AGAP1: variants seen among roughly 807,000 people sequenced by gnomAD.
The protein encoded by AGAP1 is ArfGAP with GTPase domain, ankyrin repeat and PH domain 1, also known as arf-GAP with GTPase, ANK repeat and PH domain-containing protein 1.
Under a neutral mutation model 105.3 loss-of-function variants are expected in AGAP1, and 29 were observed. The ratio of observed to expected loss-of-function variants is 0.28; its 90% CI spans 0.21 to 0.38. The LOEUF is 0.38. Among genes scored for constraint, AGAP1 ranks in the 10% least tolerant of loss-of-function variants. AGAP1 has a pLI of 1.00. For synonymous variants in AGAP1, 509 were observed against 485.9 expected, an observed-to-expected ratio of 1.05 and a Z score of -0.63; for missense variants, 998 against 1,165.1, an observed-to-expected ratio of 0.86 and a Z score of 2.09.
chr2:235,967,481 G>A lies in AGAP1; in HGVS notation c.1484-981G>A, dbSNP rs1365040812. On this transcript the variant is annotated intron_variant, in intron 12 of 17. Coordinates refer to ENST00000304032, the MANE Select transcript of AGAP1 (RefSeq NM_001037131.3). The surrounding 1 kb of genome is among the most constrained non-coding windows in gnomAD (Gnocchi z 4.7). ...ACTTTACAGAGTCCCCATTGGGGCA[G>A]GAATGTTTATCTGTTTCTCCTCGAT... Among the ~76,000 whole-genome samples, 1 of 152,156 alleles carries A rather than the reference G, an allele frequency of 6.6e-6. No homozygotes were observed. Among genetic ancestry groups the A allele is most frequent in the East Asian group, 1.9e-4 (1 of 5,192 alleles).
At chr2:235,762,609 T>C (rs930631241) in intron 6 of AGAP1, among the ~76,000 whole-genome samples, 2 of 152,200 alleles carry the variant, frequency 1.3e-5, no homozygotes, top group Admixed American at 1.3e-4. Context: ...GGCTCACACC[T>C]GTAATCCCAG....
At chr2:235,987,432 A>G (rs2055363764) in intron 13 of AGAP1, among the ~76,000 whole-genome samples, 1 of 141,830 alleles carries the variant, frequency 7.1e-6, no homozygotes, top group African/African-American at 2.6e-5. Flanking sequence ...TATTTTGTTA[A>G]TTTTTTTCAA....
rs13034927 is a variant in AGAP1 at position 235,590,686 on chromosome 2, C to T, written c.163+95837C>T. ...TTTAATGTGTGTGTGTGTGTGTGTG[C>T]GTGTGCGTGTGTGTGTGTGTGTGTG... On this transcript the variant is annotated intron_variant, in intron 1 of 17. Transcript: ENST00000304032. 5.8e-3 allele frequency among the ~76,000 whole-genome samples: 283 copies of T among 48,932 alleles called. 2 individuals are homozygous for T. Among genetic ancestry groups the T allele is most frequent in the African/African-American group, 0.018 (171 of 9,384 alleles). The allele number at this position is 48,932 out of a possible 152,430, so 32.1% of individuals were successfully genotyped here.
chr2:235,968,164 CT>C (rs1453807966), intron 12 of AGAP1, among the ~76,000 whole-genome samples: 1 of 152,138 alleles, frequency 6.6e-6, no homozygotes, highest in Non-Finnish European at 1.5e-5. Context: ...CACCCCTTTC[CT>C]TTTGCAGAGC....
chr2:235,938,380 A>G (rs2053092009), intron 12 of AGAP1, among the ~76,000 whole-genome samples: 1 of 152,220 alleles, frequency 6.6e-6, no homozygotes, highest in African/African-American at 2.4e-5. Context: ...ACCGCCTCCA[A>G]GAACGCTGGG....
At chr2:235,597,368 C>G (rs1380339701) in intron 1 of AGAP1, among the ~76,000 whole-genome samples, 1 of 152,234 alleles carries the variant, frequency 6.6e-6, no homozygotes, top group African/African-American at 2.4e-5. Flanking sequence ...CTGCCACACA[C>G]AGCCCTTCAT....
At chr2:235,770,221 G>A (rs921838724) in intron 6 of AGAP1, among the ~76,000 whole-genome samples, 3 of 150,874 alleles carry the variant, frequency 2.0e-5, no homozygotes, top group Non-Finnish European at 3.0e-5. Context: ...TCCGCTCCCC[G>A]GGTTCATGCC....
intron 9 of AGAP1, among the ~76,000 whole-genome samples, chr2:235,840,951 A>G (rs1960758474): frequency 6.6e-6 from 1 of 152,142 alleles, no homozygotes; most frequent in South Asian, 2.1e-4. Flanking sequence ...AAACAGGACC[A>G]GAGAAGCGGG....
intron 9 of AGAP1, among the ~76,000 whole-genome samples, chr2:235,807,701 G>T (rs1957911681): frequency 6.6e-6 from 1 of 152,298 alleles, no homozygotes; most frequent in East Asian, 1.9e-4. Context: ...GGAACAGCCC[G>T]ACGTGGCCCT....
chr2:235,861,098 T>C (rs1289260515), intron 9 of AGAP1, among the ~76,000 whole-genome samples: 1 of 152,254 alleles, frequency 6.6e-6, no homozygotes, highest in African/African-American at 2.4e-5. Flanking sequence ...TAGTATGTAC[T>C]GTGTGAGTCT....
At position 235,908,637 on chromosome 2, in the gene AGAP1, T is replaced by C. The variant is rs536197474; in HGVS notation, c.1156-101T>C. The C allele has an allele frequency of 1.8e-6, 2 of 1,113,614 alleles. No homozygotes were observed. Among genetic ancestry groups the C allele is most frequent in the Admixed American group, 2.6e-5 (1 of 38,828 alleles). 69.0% of individuals were successfully genotyped at this position (1,113,614 alleles called of 1,614,324 possible). A position where few individuals can be genotyped will look rare whatever the true frequency, so the allele number is the denominator to read the frequency against. On this transcript the variant is annotated intron_variant, in intron 10 of 17. Coordinates refer to ENST00000304032, the MANE Select transcript of AGAP1 (RefSeq NM_001037131.3). The surrounding 1 kb of genome is among the most constrained non-coding windows in gnomAD (Gnocchi z 4.4). ...AGTACTTTCCACAGTGGAAGGGTCA[T>C]AGGGTTTTAACTCATGACGTCTGAT...
Position 235,866,274 on chromosome 2 carries a change from G to A in AGAP1, c.1051-17071G>A, listed in dbSNP as rs2049165598. 6.6e-6 allele frequency among the ~76,000 whole-genome samples: 1 copy of A among 152,158 alleles called. No homozygotes were observed. Among genetic ancestry groups the A allele is most frequent in the South Asian group, 2.1e-4 (1 of 4,826 alleles). ...GTTGAGCCGGGTGCTAGCTACTGATGTGGGAATCTGGGAGCCCGAGCCGAC... is the reference window on the plus strand; with the variant it reads ...GTTGAGCCGGGTGCTAGCTACTGATATGGGAATCTGGGAGCCCGAGCCGAC... On this transcript the variant is annotated intron_variant, in intron 9 of 17. Coordinates refer to ENST00000304032, the MANE Select transcript of AGAP1 (RefSeq NM_001037131.3). This position sits in a 1 kb window ranked among gnomAD's most constrained non-coding sequence, Gnocchi z 6.1.
At chr2:235,802,723 T>G (rs933335118) in intron 8 of AGAP1, among the ~76,000 whole-genome samples, 6 of 97,172 alleles carry the variant, frequency 6.2e-5, no homozygotes, top group African/African-American at 2.3e-4. Context: ...TGGTTGTGGT[T>G]GTGATGGTGA....
At chr2:236,016,998 C>T (rs1291742121) in intron 13 of AGAP1, among the ~76,000 whole-genome samples, 2 of 151,980 alleles carry the variant, frequency 1.3e-5, no homozygotes, top group East Asian at 3.9e-4. Flanking sequence ...TAATGTATTA[C>T]AGAATTCAGG....
intron 13 of AGAP1, among the ~76,000 whole-genome samples, chr2:236,022,586 G>A (rs1241647178): frequency 6.6e-6 from 1 of 152,160 alleles, no homozygotes; most frequent in Non-Finnish European, 1.5e-5. Flanking sequence ...CCAGGCTGGA[G>A]TGCAGTGGCA....
rs911497711 is a variant in AGAP1, at chr2:235,877,057, G to A, written c.1051-6288G>A. ...GAGTTGGGGCTTCACCATTTGGTCA[G>A]GCTGGTCTCAAACTCCTGACCTCAT... On this transcript the variant is annotated intron_variant, in intron 9 of 17. Transcript: ENST00000304032. The surrounding 1 kb of genome is among the most constrained non-coding windows in gnomAD (Gnocchi z 4.3). Among the ~76,000 whole-genome samples the A allele has an allele frequency of 6.6e-6, 1 of 151,908 alleles. No homozygotes were observed. The highest frequency in any genetic ancestry group is 1.5e-5 in the Non-Finnish European group (1 of 68,000).
At chr2:235,810,862 A>C (rs1207557282) in intron 9 of AGAP1, among the ~76,000 whole-genome samples, 1 of 142,114 alleles carries the variant, frequency 7.0e-6, no homozygotes, top group South Asian at 2.2e-4. Flanking sequence ...TTTACTAATA[A>C]GGTCTATTCG....
intron 9 of AGAP1, among the ~76,000 whole-genome samples, chr2:235,847,986 C>T (rs1158577742): frequency 1.3e-5 from 2 of 152,222 alleles, no homozygotes; most frequent in African/African-American, 4.8e-5. Context: ...TTTGGCATAA[C>T]AAAGCTTTTG....
At position 235,535,067 on chromosome 2, in the gene AGAP1, T is replaced by C. The variant is rs12997985; in HGVS notation, c.163+40218T>C. ...TCGCTGGAGTTGGAGCACACATGTC[T>C]GCAGATGTAAAACGACCTGCTCCCC... On this transcript the variant is annotated intron_variant, in intron 1 of 17. Transcript: ENST00000304032. This position sits in a 1 kb window ranked among gnomAD's most constrained non-coding sequence, Gnocchi z 5.1. Among the ~76,000 whole-genome samples, 1 of 151,840 alleles carries C rather than the reference T, an allele frequency of 6.6e-6. No individual in the cohort carries two copies. The highest frequency in any genetic ancestry group is 1.5e-5 in the Non-Finnish European group (1 of 67,946).
Sources: allele counts gnomAD v4.1 joint callset (sites outside exome capture counted in the v4.1 genomes callset), GRCh38; gene constraint gnomAD v4.1.1; non-coding constraint Gnocchi (gnomAD v3.1); transcripts MANE v1.5; gene names NCBI Gene and HGNC (gene_info 2026-07-23, HGNC 2026-07-21).